The following CHM variants were observed in gnomAD, a reference collection of about 807,000 sequenced individuals.
CHM encodes the protein rab proteins geranylgeranyltransferase component A 1.
CHM carries 10 observed loss-of-function variants against 49.0 expected under a neutral mutation model. That is an observed-to-expected ratio of 0.20 (90% CI 0.13 to 0.35). The LOEUF (loss-of-function observed/expected upper bound fraction) is 0.35. Among genes scored for constraint, CHM ranks in the 10% least tolerant of loss-of-function variants. The pLI is 1.00. For missense variants in CHM, 455 were observed against 478.4 expected (o/e 0.95, Z 0.46); for synonymous variants, 184 against 167.5 (o/e 1.10, Z -0.76).
chrX:85,937,157 T>G (rs1472462047), intron 8 of CHM, among the ~76,000 whole-genome samples: 1 of 107,190 alleles, frequency 9.3e-6, no homozygotes, highest in East Asian at 3.0e-4. Flanking sequence ...TCCCAGCTAC[T>G]CAGGAGGCTG....
At chrX:86,025,170 C>T (rs1206698586) in intron 2 of CHM, among the ~76,000 whole-genome samples, 1 of 111,530 alleles carries the variant, frequency 9.0e-6, no homozygotes, top group African/African-American at 3.3e-5. Flanking sequence ...TGAGGATGTA[C>T]AAGAGAAGAA....
chrX:85,979,668 T>A (rs1931488107), intron 3 of CHM, among the ~76,000 whole-genome samples: 2 of 112,111 alleles, frequency 1.8e-5, no homozygotes, highest in South Asian at 7.3e-4. Flanking sequence ...TTAATACACA[T>A]CTTTCTCAGA....
intron 4 of CHM, chrX:85,970,206 T>C (rs1930816850): frequency 1.5e-5 from 9 of 619,319 alleles, no homozygotes; most frequent in Non-Finnish European, 1.7e-5. Context: ...CATGAATATA[T>C]ACAATTATTA....
intron 2 of CHM, among the ~76,000 whole-genome samples, chrX:85,989,051 A>C (rs1177031937): frequency 2.7e-5 from 3 of 112,015 alleles, no homozygotes; most frequent in Non-Finnish European, 5.6e-5. Flanking sequence ...GGCAATCCTA[A>C]GCAAAAAGAA....
chrX:86,025,040 C>T (rs1933750234), intron 2 of CHM, among the ~76,000 whole-genome samples: 1 of 111,006 alleles, frequency 9.0e-6, no homozygotes, highest in Non-Finnish European at 1.9e-5. Context: ...CAGGAGATAT[C>T]ATCAGTATGC....
intron 8 of CHM, among the ~76,000 whole-genome samples, chrX:85,931,390 G>T (rs1444174914): frequency 1.8e-5 from 2 of 111,320 alleles, no homozygotes; most frequent in African/African-American, 6.5e-5. Flanking sequence ...TTTGCTTTAT[G>T]GAACTAAAAA....
chrX:86,043,340 G>A (rs187420749), intron 1 of CHM, among the ~76,000 whole-genome samples: 95 of 111,041 alleles, frequency 8.6e-4, no homozygotes, highest in South Asian at 7.3e-3. Context: ...TTTAGGGGCA[G>A]TACTCCTTAT....
At chrX:86,002,708 A>T (rs1336875313) in intron 2 of CHM, among the ~76,000 whole-genome samples, 1 of 112,461 alleles carries the variant, frequency 8.9e-6, no homozygotes, top group Non-Finnish European at 1.9e-5. Flanking sequence ...TTGCTGAAGC[A>T]TGAGTAGGTA....
chrX:85,973,519 T>C (rs1340110617), intron 4 of CHM, among the ~76,000 whole-genome samples: 1 of 110,394 alleles, frequency 9.1e-6, no homozygotes, highest in Non-Finnish European at 1.9e-5. Flanking sequence ...CCCACATATA[T>C]AGTGCACCAA....
chrX:86,014,423 G>T (rs952228252), intron 2 of CHM, among the ~76,000 whole-genome samples: 5 of 112,552 alleles, frequency 4.4e-5, no homozygotes, highest in Non-Finnish European at 7.5e-5. Context: ...AGAAGGAAAA[G>T]AGAATTCATC....
intron 12 of CHM, among the ~76,000 whole-genome samples, chrX:85,884,183 A>G (rs1924940092): frequency 9.0e-6 from 1 of 111,321 alleles, no homozygotes; most frequent in Admixed American, 9.6e-5. Context: ...TTATTTAACA[A>G]TCCCAGTAAC....
At chrX:85,936,691 C>A (rs1433590483) in intron 8 of CHM, among the ~76,000 whole-genome samples, 1 of 112,069 alleles carries the variant, frequency 8.9e-6, no homozygotes, top group Non-Finnish European at 1.9e-5. Flanking sequence ...AGCTTTGCTA[C>A]AATTTATACC....
chrX:85,978,605 C>T (rs1387348483), intron 4 of CHM, 162 bp downstream of exon 4: 1 of 419,030 alleles, frequency 2.4e-6, no homozygotes, highest in Admixed American at 3.8e-5. Context: ...TCATTATTAC[C>T]TAAACAGAGA....
At chrX:85,964,536 G>T (rs761277820) in intron 4 of CHM, among the ~76,000 whole-genome samples, 1 of 111,430 alleles carries the variant, frequency 9.0e-6, no homozygotes, top group East Asian at 2.8e-4. Context: ...CAAAGAGCCT[G>T]ACACAGTGCC....
chrX:85,982,764 T>A (rs1376041843), intron 2 of CHM, among the ~76,000 whole-genome samples: 1 of 111,817 alleles, frequency 8.9e-6, no homozygotes, highest in African/African-American at 3.3e-5. Context: ...TTTGCTTCTC[T>A]GTTTCTCTAA....
chrX:85,970,281 T>C (rs1365526104), intron 4 of CHM: 1 of 751,332 alleles, frequency 1.3e-6, no homozygotes, highest in Middle Eastern at 7.5e-4. Flanking sequence ...TATTGGATTC[T>C]TCCCATAGCT....
At chrX:85,901,037 T>G in intron 10 of CHM, 47 bp downstream of exon 10, 1 of 863,529 alleles carries the variant, frequency 1.2e-6, no homozygotes, top group Non-Finnish European at 1.7e-6. Flanking sequence ...TACACAGGAA[T>G]GTCAATAAAA....
intron 2 of CHM, among the ~76,000 whole-genome samples, chrX:86,006,540 A>G (rs1371445534): frequency 2.7e-5 from 3 of 112,200 alleles, no homozygotes; most frequent in Admixed American, 9.5e-5. Flanking sequence ...AAATCTCCTT[A>G]AGCTGATAAG....
chrX:86,035,782 A>G (rs760785332), intron 1 of CHM, among the ~76,000 whole-genome samples: 8 of 104,898 alleles, frequency 7.6e-5, no homozygotes, highest in African/African-American at 2.8e-4. Context: ...CGACGAAAAG[A>G]GTTCATTTTT....
Sources: allele counts gnomAD v4.1 joint callset (sites outside exome capture counted in the v4.1 genomes callset), GRCh38; gene constraint gnomAD v4.1.1; transcripts MANE v1.5; gene names NCBI Gene and HGNC (gene_info 2026-07-23, HGNC 2026-07-21).